The following TMEM9 variants were observed in gnomAD, a reference collection of about 807,000 sequenced individuals.
TMEM9 encodes the protein proton-transporting V-type ATPase complex assembly regulator TMEM9.
TMEM9 carries 13 observed loss-of-function variants against 22.8 expected under a neutral mutation model. The observed-to-expected ratio is 0.57, with a 90% confidence interval of 0.37 to 0.91. The LOEUF is 0.91. TMEM9 is among the 40% of genes least tolerant of loss of function. TMEM9 has a pLI of 0.01. For synonymous variants in TMEM9, 88 were observed against 93.0 expected (o/e 0.95, Z 0.31); for missense variants, 182 against 238.1 (o/e 0.76, Z 1.55).
chr1:201,166,911 G>A (rs1666092563), intron 1 of TMEM9, among the ~76,000 whole-genome samples: 1 of 152,196 alleles, frequency 6.6e-6, no homozygotes, highest in Non-Finnish European at 1.5e-5. Context: ...GAGCAGGGCA[G>A]CTCTTTCCTC....
Position 201,143,940 on chromosome 1 carries a change from G to A in TMEM9, c.279C>T (p.Val93=). ...RSTTTIKVII[V]IYLSVVGALL... The stretch of plus-strand genomic sequence containing the variant: ...GGGCACCCACCACGGACAGGTAGAT[G>A]ACAATGATGACCTGAGGAAGAGACC... Residue 93 remains valine (V), a synonymous_variant, in exon 4 of 5, where the codon GTC becomes GTT. Coordinates refer to ENST00000367330, the MANE Select transcript of TMEM9 (RefSeq NM_001288565.2). The A allele has an allele frequency of 1.2e-6, 2 of 1,614,134 alleles. No individual in the cohort carries two copies. Among genetic ancestry groups the A allele is most frequent in the Non-Finnish European group, 1.7e-6 (2 of 1,180,010 alleles).
At chr1:201,152,215 G>A (rs926027526) in intron 1 of TMEM9, among the ~76,000 whole-genome samples, 1 of 152,068 alleles carries the variant, frequency 6.6e-6, no homozygotes, top group African/African-American at 2.4e-5. Context: ...ACACTTGTGT[G>A]TGCACCTCTG....
At chr1:201,162,647 A>G (rs1665974104) in intron 1 of TMEM9, among the ~76,000 whole-genome samples, 1 of 152,180 alleles carries the variant, frequency 6.6e-6, no homozygotes, top group Admixed American at 6.5e-5. Flanking sequence ...TTAGAAAAAA[A>G]TCATAAGAGA....
chr1:201,158,796 C>A (rs1665871906), upstream of TMEM9, among the ~76,000 whole-genome samples: 1 of 152,164 alleles, frequency 6.6e-6, no homozygotes, highest in African/African-American at 2.4e-5. Flanking sequence ...AAACCCATAC[C>A]CTCTAGTTCA....
intron 1 of TMEM9, among the ~76,000 whole-genome samples, chr1:201,169,308 C>G (rs1166003688): frequency 1.3e-5 from 2 of 152,132 alleles, no homozygotes; most frequent in Non-Finnish European, 2.9e-5. Flanking sequence ...ACGAGTGTAA[C>G]GTGACTGACA....
In TMEM9 at chr1:201,153,977, G is replaced by A. The variant is rs1665645686; in HGVS notation, c.-54C>T. ...CCGGACACCTGGAAAAAGAGATACG[G>A]AGTCGGAGAAGGGGAAGGTGGCCAC... On this transcript the variant is annotated 5_prime_UTR_variant, in exon 1 of 5. Coordinates refer to ENST00000367330, the MANE Select transcript of TMEM9 (RefSeq NM_001288565.2). 1.9e-6 allele frequency: 3 copies of A among 1,566,018 alleles called. No homozygotes were observed. The highest frequency in any genetic ancestry group is 1.4e-5 in the African/African-American group (1 of 73,482).
chr1:201,165,725 G>A (rs966579679), intron 1 of TMEM9, among the ~76,000 whole-genome samples: 22 of 152,276 alleles, frequency 1.4e-4, no homozygotes, highest in Non-Finnish European at 2.8e-4. Flanking sequence ...GTGTGCCACC[G>A]TGCCTGGCCA....
chr1:201,151,755 C>G lies in TMEM9; in HGVS notation c.158+6G>C. ...AGCAGCCAGGGGCCTGCGTGTAATG[C>G]CTTACCAGTCCTTCTGGGATACATT... On this transcript the variant is annotated splice_donor_region_variant and intron_variant, in intron 2 of 4. Transcript: ENST00000367330. 6.2e-6 allele frequency: 10 copies of G among 1,611,696 alleles called. No individual in the cohort carries two copies. Among genetic ancestry groups the G allele is most frequent in the Non-Finnish European group, 8.5e-6 (10 of 1,177,856 alleles).
upstream of TMEM9, among the ~76,000 whole-genome samples, chr1:201,157,851 T>C (rs1462056959): frequency 6.6e-6 from 1 of 152,194 alleles, no homozygotes; most frequent in African/African-American, 2.4e-5. Flanking sequence ...TGAGGGCTAC[T>C]TGGGCTGGGC....
At chr1:201,170,641 G>A (rs1039483372) in intron 1 of TMEM9, among the ~76,000 whole-genome samples, 1 of 152,202 alleles carries the variant, frequency 6.6e-6, no homozygotes, top group African/African-American at 2.4e-5. Flanking sequence ...AAGCCCTGTG[G>A]TAGACACCGA....
In TMEM9 at chr1:201,143,431, G is replaced by C. The variant is rs75133286; in HGVS notation, c.399+389C>G. ...AGCAAGTGTTCAACAGATGTTTGTGGAATCACTGGACAAACAAATTAACCT... is the reference window on the plus strand; with the variant it reads ...AGCAAGTGTTCAACAGATGTTTGTGCAATCACTGGACAAACAAATTAACCT... On this transcript the variant is annotated intron_variant, in intron 4 of 4. Transcript: ENST00000367330. Among the ~76,000 whole-genome samples the C allele has an allele frequency of 3.8e-3, 576 of 152,302 alleles. 6 individuals are homozygous for C. The highest frequency in any genetic ancestry group is 0.013 in the African/African-American group (556 of 41,568).
Position 201,135,344 on chromosome 1 carries a change from C to G in TMEM9, c.*319G>C, listed in dbSNP as rs1007443739. The G allele has an allele frequency of 1.4e-5, 3 of 221,928 alleles. No individual in the cohort carries two copies. The highest frequency in any genetic ancestry group is 2.6e-5 in the Non-Finnish European group (3 of 113,568). The allele number at this position is 221,928 out of a possible 1,614,324, so 13.7% of individuals were successfully genotyped here. ...CCCAAGACTCAGAGCTGGAAGGCGGCAAGAGTGGAGCCAGGAGAGACAGAT... is the reference window on the plus strand; with the variant it reads ...CCCAAGACTCAGAGCTGGAAGGCGGGAAGAGTGGAGCCAGGAGAGACAGAT... On this transcript the variant is annotated 3_prime_UTR_variant, in exon 5 of 5. Coordinates refer to ENST00000367330, the MANE Select transcript of TMEM9 (RefSeq NM_001288565.2).
chr1:201,160,239 G>T (rs1458249261), intron 1 of TMEM9, among the ~76,000 whole-genome samples: 1 of 152,188 alleles, frequency 6.6e-6, no homozygotes, highest in Non-Finnish European at 1.5e-5. Context: ...GAAAAGATTT[G>T]TTTAGAAGAG....
At chr1:201,147,688 G>A (rs911785222) in intron 2 of TMEM9, among the ~76,000 whole-genome samples, 1 of 152,142 alleles carries the variant, frequency 6.6e-6, no homozygotes, top group Non-Finnish European at 1.5e-5. Context: ...GCTTAGGCCC[G>A]GTCAGTGCCT....
At chr1:201,155,480 C>G (rs897269728), upstream of TMEM9, among the ~76,000 whole-genome samples, 1 of 152,242 alleles carries the variant, frequency 6.6e-6, no homozygotes, top group African/African-American at 2.4e-5. Context: ...TTGTGTTCCT[C>G]TCTCCTATGC....
At chr1:201,169,224 T>G (rs1211816492) in intron 1 of TMEM9, among the ~76,000 whole-genome samples, 2 of 152,156 alleles carry the variant, frequency 1.3e-5, no homozygotes, top group African/African-American at 4.8e-5. Flanking sequence ...AAATGAAGGC[T>G]GAATCTAAGT....
intron 1 of TMEM9, among the ~76,000 whole-genome samples, chr1:201,163,238 G>A (rs1166476634): frequency 6.6e-6 from 1 of 152,082 alleles, no homozygotes; most frequent in Non-Finnish European, 1.5e-5. Flanking sequence ...AGTGAACCAT[G>A]GTCATGCCAC....
rs1044064528 is a variant in TMEM9 at position 201,143,675 on chromosome 1, TG to T, written c.399+144del. ...GCAAAGAGCAGGTCCCTGCTGAGTC[TG>T]GGTGATGTGTACGACACTGACCAGA... On this transcript the variant is annotated intron_variant, in intron 4 of 4. Coordinates refer to ENST00000367330, the MANE Select transcript of TMEM9 (RefSeq NM_001288565.2). 7.1e-6 allele frequency: 5 copies of T among 708,790 alleles called. No individual in the cohort carries two copies. The African/African-American group carries it at 8.9e-5, about 13-fold the overall frequency. The allele number at this position is 708,790 out of a possible 1,614,324, so 43.9% of individuals were successfully genotyped here. A position where few individuals can be genotyped will look rare whatever the true frequency, so the allele number is the denominator to read the frequency against.
At chr1:201,139,588 C>CA (rs1284957718) in intron 4 of TMEM9, among the ~76,000 whole-genome samples, 1 of 152,186 alleles carries the variant, frequency 6.6e-6, no homozygotes, top group Non-Finnish European at 1.5e-5. Flanking sequence ...CCTTACCCCC[C>CA]AGCCCAGCCT....
Sources: gnomAD v4.1 joint callset for allele counts (sites outside exome capture counted in the v4.1 genomes callset) on GRCh38, gnomAD v4.1.1 for gene constraint, MANE v1.5 for transcripts, NCBI Gene and HGNC (gene_info 2026-07-23, HGNC 2026-07-21) for gene names.